The following PPP2R2B variants were observed in gnomAD, a reference collection of about 807,000 sequenced individuals.
PPP2R2B encodes the protein serine/threonine-protein phosphatase 2A 55 kDa regulatory subunit B beta isoform.
In PPP2R2B, 5 loss-of-function variants were observed where a neutral mutation model predicts 46.0. That is an observed-to-expected ratio of 0.11 (90% CI 0.06 to 0.23). The LOEUF is 0.23. Among genes scored for constraint, PPP2R2B ranks in the 10% least tolerant of loss-of-function variants. PPP2R2B has a pLI of 1.00. For synonymous variants in PPP2R2B, 215 were observed against 206.7 expected, an observed-to-expected ratio of 1.04 and a Z score of -0.34; for missense variants, 367 against 575.0, an observed-to-expected ratio of 0.64 and a Z score of 3.70.
chr5:146,983,427 G>A (rs979125610), intron 1 of PPP2R2B, among the ~76,000 whole-genome samples: 11 of 152,162 alleles, frequency 7.2e-5, no homozygotes, highest in Admixed American at 6.5e-4. Flanking sequence ...TGATCTGCCC[G>A]CCTTGGCCTC....
chr5:146,653,101 G>C (rs1390766943), intron 5 of PPP2R2B, among the ~76,000 whole-genome samples: 3 of 152,080 alleles, frequency 2.0e-5, no homozygotes, highest in African/African-American at 7.2e-5. Flanking sequence ...TGTGAAATAG[G>C]TACTCATACA....
chr5:146,802,720 C>T (rs1483092035), intron 2 of PPP2R2B, among the ~76,000 whole-genome samples: 2 of 152,170 alleles, frequency 1.3e-5, no homozygotes, highest in Non-Finnish European at 2.9e-5. Context: ...TTTTCCTCAG[C>T]TTGGACACTC....
At chr5:146,676,908 T>C (rs1777762486) in intron 5 of PPP2R2B, among the ~76,000 whole-genome samples, 1 of 152,192 alleles carries the variant, frequency 6.6e-6, no homozygotes, top group Non-Finnish European at 1.5e-5. Context: ...GCATATCTAA[T>C]TGGGACTGGT....
intron 1 of PPP2R2B, among the ~76,000 whole-genome samples, chr5:146,948,922 T>A (rs760816372): frequency 6.6e-6 from 1 of 152,092 alleles, no homozygotes; most frequent in Non-Finnish European, 1.5e-5. Context: ...AAGACTCATC[T>A]AAGGACTTTG....
chr5:147,022,681 CCAATTA>C (rs1191493532), intron 1 of PPP2R2B, among the ~76,000 whole-genome samples: 2 of 151,630 alleles, frequency 1.3e-5, no homozygotes, highest in Non-Finnish European at 2.9e-5. Flanking sequence ...TTGCTGAAAA[CCAATTA>C]CAAAGATAAA....
intron 5 of PPP2R2B, among the ~76,000 whole-genome samples, chr5:146,682,272 T>C (rs1276671978): frequency 6.6e-6 from 1 of 152,224 alleles, no homozygotes; most frequent in Non-Finnish European, 1.5e-5. Context: ...TGCTAGTCTC[T>C]AGATGTAATA....
At chr5:147,050,511 A>G (rs1181802939) in intron 1 of PPP2R2B, among the ~76,000 whole-genome samples, 1 of 152,198 alleles carries the variant, frequency 6.6e-6, no homozygotes. Flanking sequence ...TAATGAACCC[A>G]TTCTTAGCAT....
In PPP2R2B at chr5:146,662,678, T is replaced by C. The variant is rs368804349; in HGVS notation, c.448-11954A>G. On this transcript the variant is annotated intron_variant, in intron 5 of 9. Transcript: ENST00000394411. The stretch of plus-strand genomic sequence containing the variant: ...ACACAAAATAGACTAAGACTATGGG[T>C]TTAAAATGATTTTTATAGTTCTATA... 5.6e-4 allele frequency among the ~76,000 whole-genome samples: 85 copies of C among 152,296 alleles called. 1 individual carries two copies. The South Asian group carries it at 0.017, about 30-fold the overall frequency.
chr5:147,011,004 C>T (rs1375616119), intron 1 of PPP2R2B, among the ~76,000 whole-genome samples: 3 of 152,188 alleles, frequency 2.0e-5, no homozygotes, highest in Admixed American at 2.0e-4. Context: ...CCTCCAGTGG[C>T]TGCCCACGTC....
At chr5:146,626,490 A>C (rs1464733819) in intron 7 of PPP2R2B, among the ~76,000 whole-genome samples, 1 of 152,216 alleles carries the variant, frequency 6.6e-6, no homozygotes, top group Non-Finnish European at 1.5e-5. Context: ...GGCAAAATAC[A>C]GGGAATAGGA....
At chr5:146,621,914 G>C (rs1773730457) in intron 7 of PPP2R2B, among the ~76,000 whole-genome samples, 1 of 152,202 alleles carries the variant, frequency 6.6e-6, no homozygotes, top group Non-Finnish European at 1.5e-5. Flanking sequence ...GAGAGTAAGA[G>C]GCCTTTCCAT....
chr5:146,920,070 G>A (rs1449194852), intron 1 of PPP2R2B, among the ~76,000 whole-genome samples: 1 of 152,064 alleles, frequency 6.6e-6, no homozygotes, highest in East Asian at 1.9e-4. Context: ...GAAAACAAAG[G>A]TAAACTGCAT....
At chr5:146,922,090 G>GT (rs1399370277) in intron 1 of PPP2R2B, among the ~76,000 whole-genome samples, 1 of 152,146 alleles carries the variant, frequency 6.6e-6, no homozygotes, top group African/African-American at 2.4e-5. Context: ...ATGCTAAACT[G>GT]TACCTATGCT....
chr5:146,716,710 C>T (rs1431124120), intron 2 of PPP2R2B, among the ~76,000 whole-genome samples: 8 of 152,178 alleles, frequency 5.3e-5, no homozygotes, highest in East Asian at 1.9e-4. Flanking sequence ...TAGAACTTAT[C>T]CTGTTTCCCT....
chr5:146,636,054 G>T (rs1222575994), intron 7 of PPP2R2B, among the ~76,000 whole-genome samples: 1 of 152,034 alleles, frequency 6.6e-6, no homozygotes, highest in Non-Finnish European at 1.5e-5. Context: ...CTTGATCTAG[G>T]TTCCAAATTA....
intron 1 of PPP2R2B, among the ~76,000 whole-genome samples, chr5:146,890,559 C>T (rs750735434): frequency 1.3e-5 from 2 of 152,146 alleles, no homozygotes. Context: ...CTGGCCATTA[C>T]TGTACTAGTG....
chr5:146,711,569 T>A (rs559369364), intron 2 of PPP2R2B, among the ~76,000 whole-genome samples: 2 of 152,030 alleles, frequency 1.3e-5, no homozygotes, highest in Non-Finnish European at 2.9e-5. Flanking sequence ...AGAAAGCAGA[T>A]GGGTTGGGGG....
chr5:147,075,454 C>T (rs1757734336), intron 2 of PPP2R2B, among the ~76,000 whole-genome samples: 1 of 152,162 alleles, frequency 6.6e-6, no homozygotes, highest in South Asian at 2.1e-4. Context: ...CAAATACCAT[C>T]TGCATGCTGA....
chr5:146,834,587 T>C (rs1177126595), intron 2 of PPP2R2B, among the ~76,000 whole-genome samples: 2 of 152,212 alleles, frequency 1.3e-5, no homozygotes, highest in Admixed American at 6.5e-5. Flanking sequence ...TGAAAAGTCA[T>C]ACATCTTTAT....
Sources: allele counts gnomAD v4.1 joint callset (sites outside exome capture counted in the v4.1 genomes callset), GRCh38; gene constraint gnomAD v4.1.1; transcripts MANE v1.5; gene names NCBI Gene and HGNC (gene_info 2026-07-23, HGNC 2026-07-21).